Variants in DCC observed in about 807,000 individuals in gnomAD.
DCC encodes netrin receptor DCC.
DCC carries 58 observed loss-of-function variants against 172.5 expected under a neutral mutation model. The observed-to-expected ratio is 0.34, with a 90% CI of 0.27 to 0.42. The LOEUF is 0.42. DCC is among the 10% of genes least tolerant of loss of function. The pLI is 1.00. For missense variants in DCC, 1,740 were observed against 1,791.0 expected, an observed-to-expected ratio of 0.97 and a Z score of 0.51; for synonymous variants, 709 against 644.5, an observed-to-expected ratio of 1.10 and a Z score of -1.52.
intron 14 of DCC, among the ~76,000 whole-genome samples, chr18:53,323,805 G>A (rs1260162331): frequency 3.9e-5 from 6 of 152,116 alleles, no homozygotes; most frequent in Non-Finnish European, 5.9e-5. Context: ...ATACATTGGC[G>A]ATTGAGGGGA....
chr18:53,008,527 A>G (rs1191190179), intron 5 of DCC, among the ~76,000 whole-genome samples: 1 of 152,052 alleles, frequency 6.6e-6, no homozygotes, highest in Non-Finnish European at 1.5e-5. Flanking sequence ...GTAAAACTTT[A>G]CTTGTAAGTG....
rs554435900 is a variant in DCC, at chr18:52,747,948, C to T, written c.92-4106C>T. Among the ~76,000 whole-genome samples the T allele has an allele frequency of 3.2e-4, 48 of 152,326 alleles. 1 individual carries two copies. The highest frequency in any genetic ancestry group is 2.5e-3 in the Admixed American group (39 of 15,308). ...CGCCAGCCGGAAATCTTCCACAACA[C>T]GCAGCGCTCCTGCCTGGGCCTCACT... On this transcript the variant is annotated intron_variant, in intron 1 of 28. Coordinates refer to ENST00000442544, the MANE Select transcript of DCC (RefSeq NM_005215.4).
chr18:52,712,659 C>A (rs971356994), intron 1 of DCC, among the ~76,000 whole-genome samples: 11 of 152,204 alleles, frequency 7.2e-5, no homozygotes, highest in African/African-American at 2.7e-4. Flanking sequence ...AGTCAAGTCA[C>A]ATTGAGAAGC....
At chr18:53,109,472 A>G (rs532724527) in intron 7 of DCC, among the ~76,000 whole-genome samples, 4 of 151,522 alleles carry the variant, frequency 2.6e-5, no homozygotes, top group South Asian at 4.2e-4. Context: ...CCAATCTTGT[A>G]TTAGATTTAT....
intron 22 of DCC, among the ~76,000 whole-genome samples, chr18:53,447,958 A>G (rs1912718381): frequency 6.6e-6 from 1 of 151,134 alleles, no homozygotes; most frequent in Non-Finnish European, 1.5e-5. Flanking sequence ...ACTTTTGATG[A>G]GTTTTTTCCT....
intron 15 of DCC, among the ~76,000 whole-genome samples, chr18:53,380,912 T>C (rs1907678968): frequency 6.6e-6 from 1 of 152,176 alleles, no homozygotes; most frequent in Non-Finnish European, 1.5e-5. Context: ...GTGCACAGCA[T>C]AGTAGGTATT....
chr18:52,455,409 A>G (rs1988428164), intron 1 of DCC, among the ~76,000 whole-genome samples: 1 of 152,174 alleles, frequency 6.6e-6, no homozygotes, highest in Non-Finnish European at 1.5e-5. Context: ...AAGACCTACT[A>G]CTATGCTGAA....
intron 13 of DCC, among the ~76,000 whole-genome samples, chr18:53,320,071 T>TTTC (rs2057391236): frequency 4.9e-5 from 1 of 20,458 alleles, no homozygotes; most frequent in African/African-American, 1.8e-4. Context: ...GCAAGAGTAC[T>TTTC]TTTTTTTTTT....
intron 22 of DCC, among the ~76,000 whole-genome samples, chr18:53,436,180 T>C (rs1407057628): frequency 6.6e-6 from 1 of 152,222 alleles, no homozygotes; most frequent in Non-Finnish European, 1.5e-5. Flanking sequence ...CTAAACATTA[T>C]ATTGTTTTAC....
At chr18:53,049,196 A>C (rs2042300625) in intron 5 of DCC, among the ~76,000 whole-genome samples, 1 of 151,640 alleles carries the variant, frequency 6.6e-6, no homozygotes, top group African/African-American at 2.4e-5. Context: ...ATTAGGTTCC[A>C]TTTCTCAATT....
At chr18:52,843,092 A>AT (rs1042604804) in intron 2 of DCC, among the ~76,000 whole-genome samples, 4 of 152,186 alleles carry the variant, frequency 2.6e-5, no homozygotes, top group African/African-American at 9.7e-5. Context: ...CCTTTACTGT[A>AT]TGGATAGTAA....
chr18:53,228,793 C>T (rs1448279611), intron 12 of DCC, among the ~76,000 whole-genome samples: 1 of 152,098 alleles, frequency 6.6e-6, no homozygotes, highest in African/African-American at 2.4e-5. Context: ...CATAACAATA[C>T]CTTAAACCAG....
In DCC at chr18:52,779,118, A is replaced by G. The variant is rs555926874; in HGVS notation, c.412+26744A>G. 4.6e-5 allele frequency among the ~76,000 whole-genome samples: 7 copies of G among 152,224 alleles called. No individual in the cohort carries two copies. The East Asian group carries it at 1.4e-3, about 29-fold the overall frequency. ...AATTATCTTTCACCTTGTTCTTTTC[A>G]AGTGTATGTTGGCTTCTGATGGCCC... On this transcript the variant is annotated intron_variant, in intron 2 of 28. Transcript: ENST00000442544.
chr18:52,501,965 C>G (rs1275681715), intron 1 of DCC, among the ~76,000 whole-genome samples: 2 of 152,064 alleles, frequency 1.3e-5, no homozygotes, highest in African/African-American at 4.8e-5. Flanking sequence ...GCCCACAGTT[C>G]GTAAATGAGA....
chr18:53,530,856 T>A lies in DCC; in HGVS notation c.*203T>A, dbSNP rs2046518295. On this transcript the variant is annotated 3_prime_UTR_variant, in exon 29 of 29. Transcript: ENST00000442544. The stretch of plus-strand genomic sequence containing the variant: ...GGCATCAGGAATTGTCAAATGATGA[T>A]TATGAGTTCCCTAAACAAAAGCAAA... 3.1e-6 allele frequency: 2 copies of A among 636,410 alleles called. No individual in the cohort carries two copies. Among genetic ancestry groups the A allele is most frequent in the Non-Finnish European group, 5.7e-6 (2 of 353,058 alleles). 39.4% of individuals were successfully genotyped at this position (636,410 alleles called of 1,614,324 possible).
At chr18:52,925,129 C>G (rs2040181391) in intron 4 of DCC, 105 bp from the exon 5 acceptor site, 1 of 1,141,808 alleles carries the variant, frequency 8.8e-7, no homozygotes, top group East Asian at 2.4e-5. Context: ...CAGTTTCTTT[C>G]AAGTGTCTTA....
chr18:52,916,107 A>C (rs895820306), intron 3 of DCC, among the ~76,000 whole-genome samples: 6 of 152,134 alleles, frequency 3.9e-5, no homozygotes, highest in Admixed American at 3.9e-4. Context: ...AGTATTCCAC[A>C]TGTGTCAACA....
At chr18:52,648,797 G>T (rs1466215288) in intron 1 of DCC, among the ~76,000 whole-genome samples, 1 of 152,180 alleles carries the variant, frequency 6.6e-6, no homozygotes, top group African/African-American at 2.4e-5. Flanking sequence ...AATGTGTGAA[G>T]ATTAACTTCA....
At chr18:53,178,859 A>G (rs1196777588) in intron 8 of DCC, 103 bp from the exon 9 acceptor site, 4 of 1,210,814 alleles carry the variant, frequency 3.3e-6, no homozygotes, top group Non-Finnish European at 4.8e-6. Context: ...TAGATGAGTG[A>G]GCAACCTTTT....
Sources: gnomAD v4.1 joint callset for allele counts (sites outside exome capture counted in the v4.1 genomes callset) on GRCh38, gnomAD v4.1.1 for gene constraint, MANE v1.5 for transcripts, NCBI Gene and HGNC (gene_info 2026-07-23, HGNC 2026-07-21) for gene names.